GALNT7: variants seen among roughly 807,000 people sequenced by gnomAD.
The protein encoded by GALNT7 is polypeptide N-acetylgalactosaminyltransferase 7.
A neutral mutation model predicts 82.1 loss-of-function variants in GALNT7; 60 were observed. The observed-to-expected ratio is 0.73, with a 90% CI of 0.59 to 0.91. The LOEUF is 0.91. Among genes scored for constraint, GALNT7 ranks in the 40% least tolerant of loss-of-function variants. The probability of loss-of-function intolerance (pLI) is 0.00; values close to 1 mark genes in which losing one functional copy is unlikely to be tolerated. For missense variants in GALNT7, 660 were observed against 804.2 expected (o/e 0.82, Z 2.17); for synonymous variants, 243 against 275.1 (o/e 0.88, Z 1.15).
At chr4:173,228,606 T>G (rs1218567255) in intron 1 of GALNT7, among the ~76,000 whole-genome samples, 4 of 152,096 alleles carry the variant, frequency 2.6e-5, no homozygotes, top group South Asian at 2.1e-4. Context: ...CTAGAATATA[T>G]TCACAGGTCT....
At chr4:173,280,859 A>C (rs1736086148) in intron 2 of GALNT7, among the ~76,000 whole-genome samples, 2 of 152,184 alleles carry the variant, frequency 1.3e-5, no homozygotes, top group Non-Finnish European at 2.9e-5. Context: ...TATTATAAAT[A>C]CTACTTCTGT....
At chr4:173,294,272 G>A (rs954399546) in intron 3 of GALNT7, among the ~76,000 whole-genome samples, 22 of 149,728 alleles carry the variant, frequency 1.5e-4, no homozygotes, top group African/African-American at 4.7e-4. Context: ...AGAGGATAAA[G>A]GCTTTTTTTT....
chr4:173,201,895 A>G (rs1031554803), intron 1 of GALNT7, among the ~76,000 whole-genome samples: 2 of 152,222 alleles, frequency 1.3e-5, no homozygotes, highest in Non-Finnish European at 2.9e-5. Context: ...ATAGTTTTGA[A>G]AAAGTGACAA....
At chr4:173,266,594 CT>C (rs1735502165) in intron 2 of GALNT7, among the ~76,000 whole-genome samples, 1 of 152,102 alleles carries the variant, frequency 6.6e-6, no homozygotes, top group Non-Finnish European at 1.5e-5. Context: ...CAAGGTAACT[CT>C]TTTTAAATGT....
chr4:173,229,542 AT>A (rs1194298811), intron 1 of GALNT7, among the ~76,000 whole-genome samples: 1 of 152,188 alleles, frequency 6.6e-6, no homozygotes, highest in East Asian at 1.9e-4. Context: ...AGAACATGGA[AT>A]CTGTAGCCAG....
At chr4:173,279,538 C>T (rs975972994) in intron 2 of GALNT7, among the ~76,000 whole-genome samples, 6 of 152,296 alleles carry the variant, frequency 3.9e-5, no homozygotes, top group African/African-American at 1.4e-4. Context: ...CTAAATTAAA[C>T]TTTGTATTCT....
chr4:173,294,843 G>C (rs753372619), intron 3 of GALNT7, among the ~76,000 whole-genome samples: 2 of 152,106 alleles, frequency 1.3e-5, no homozygotes. Context: ...TTAAGATAAA[G>C]AGAAAATGAG....
intron 8 of GALNT7, among the ~76,000 whole-genome samples, chr4:173,305,616 T>G (rs1049917911): frequency 8.5e-5 from 13 of 152,208 alleles, no homozygotes; most frequent in Non-Finnish European, 5.9e-5. Context: ...TTCATTCTTT[T>G]GCATATGGAT....
At chr4:173,229,576 C>G (rs536866546) in intron 1 of GALNT7, among the ~76,000 whole-genome samples, 13 of 152,208 alleles carry the variant, frequency 8.5e-5, no homozygotes, top group Non-Finnish European at 1.8e-4. Context: ...TGAATCCTAC[C>G]TTTACTGCCT....
At chr4:173,269,489 G>A (rs917357096) in intron 2 of GALNT7, among the ~76,000 whole-genome samples, 8 of 152,122 alleles carry the variant, frequency 5.3e-5, no homozygotes, top group Admixed American at 2.6e-4. Context: ...GAGGTCTTTT[G>A]CACTGATTGG....
intron 2 of GALNT7, among the ~76,000 whole-genome samples, chr4:173,269,877 G>C (rs1229409679): frequency 6.6e-6 from 1 of 152,112 alleles, no homozygotes; most frequent in African/African-American, 2.4e-5. Context: ...GCAGGAAAAG[G>C]AATGCTTCTT....
chr4:173,315,046 GATA>G (rs138315254), intron 9 of GALNT7, among the ~76,000 whole-genome samples: 8,721 of 152,260 alleles, frequency 0.057, 383 homozygotes, highest in African/African-American at 0.12. Flanking sequence ...GGTGATAAAT[GATA>G]ATGACACATA....
intron 1 of GALNT7, among the ~76,000 whole-genome samples, chr4:173,228,938 C>A (rs1189212151): frequency 6.6e-6 from 1 of 152,130 alleles, no homozygotes; most frequent in Non-Finnish European, 1.5e-5. Context: ...ATTGAGGATG[C>A]CTTTCAGGAA....
At chr4:173,217,603 T>A (rs1733512237) in intron 1 of GALNT7, among the ~76,000 whole-genome samples, 1 of 152,220 alleles carries the variant, frequency 6.6e-6, no homozygotes, top group South Asian at 2.1e-4. Context: ...TTAATATTTC[T>A]ATTGTTTTTA....
intron 2 of GALNT7, among the ~76,000 whole-genome samples, chr4:173,285,554 T>A (rs1341770943): frequency 2.0e-5 from 3 of 152,276 alleles, no homozygotes; most frequent in African/African-American, 4.8e-5. Context: ...CAATAATTCT[T>A]GTCTGTTTTT....
intron 1 of GALNT7, among the ~76,000 whole-genome samples, chr4:173,238,535 C>T (rs1158053862): frequency 1.3e-5 from 2 of 152,108 alleles, no homozygotes; most frequent in Non-Finnish European, 2.9e-5. Flanking sequence ...TCTTGTCATA[C>T]GTGCTCTTAC....
At chr4:173,250,539 C>T (rs1020217114) in intron 2 of GALNT7, among the ~76,000 whole-genome samples, 4 of 152,094 alleles carry the variant, frequency 2.6e-5, no homozygotes, top group African/African-American at 9.7e-5. Flanking sequence ...CTTTCCTCTC[C>T]TCTACCTCCA....
intron 1 of GALNT7, among the ~76,000 whole-genome samples, chr4:173,195,169 C>G (rs948464195): frequency 1.3e-5 from 2 of 152,106 alleles, no homozygotes; most frequent in Non-Finnish European, 2.9e-5. Context: ...ATGAAGTGTC[C>G]TTAAACAAGT....
intron 2 of GALNT7, among the ~76,000 whole-genome samples, chr4:173,270,193 G>C (rs1344558512): frequency 6.6e-6 from 1 of 152,154 alleles, no homozygotes; most frequent in Non-Finnish European, 1.5e-5. Context: ...GGATAATTTG[G>C]AGGTACAGGG....
Sources: gnomAD v4.1 joint callset for allele counts (sites outside exome capture counted in the v4.1 genomes callset) on GRCh38, gnomAD v4.1.1 for gene constraint, MANE v1.5 for transcripts, NCBI Gene and HGNC (gene_info 2026-07-23, HGNC 2026-07-21) for gene names.